The following PRPF18 variants were observed in gnomAD, a reference collection of about 807,000 sequenced individuals.
PRPF18 encodes pre-mRNA processing factor 18.
In PRPF18, 38 loss-of-function variants were observed where a neutral mutation model predicts 46.5. The ratio of observed to expected loss-of-function variants is 0.82; its 90% CI spans 0.63 to 1.07. PRPF18 has a LOEUF of 1.07. PRPF18 is among the 50% of genes least tolerant of loss of function. PRPF18 has a pLI of 0.00. For synonymous variants in PRPF18, 152 were observed against 146.7 expected, an observed-to-expected ratio of 1.04 and a Z score of -0.26; for missense variants, 263 against 410.0, an observed-to-expected ratio of 0.64 and a Z score of 3.10.
the PRPF18 span, chr10:13,641,980 T>C: frequency 6.6e-6 from 1 of 152,218 alleles, no homozygotes; most frequent in African/African-American, 2.4e-5. Flanking sequence ...TATAATCCTA[T>C]GGGCTCTTGA....
chr10:13,628,658 C>T (rs2080546843), intron 9 of PRPF18, among the ~76,000 whole-genome samples: 1 of 152,002 alleles, frequency 6.6e-6, no homozygotes, highest in Non-Finnish European at 1.5e-5. Flanking sequence ...TTTGTGTTGT[C>T]TGCTTACTAT....
intron 3 of PRPF18, among the ~76,000 whole-genome samples, chr10:13,601,838 T>C (rs1203881935): frequency 6.6e-6 from 1 of 152,158 alleles, no homozygotes; most frequent in Non-Finnish European, 1.5e-5. Flanking sequence ...CTCAACAAAT[T>C]TAGGTATTGT....
intron 3 of PRPF18, among the ~76,000 whole-genome samples, chr10:13,601,971 G>A (rs557899224): frequency 7.2e-5 from 11 of 152,176 alleles, no homozygotes; most frequent in East Asian, 1.9e-4. Flanking sequence ...CTTGATATTC[G>A]TATGAGTTTA....
At chr10:13,608,525 C>T (rs1012839752) in intron 4 of PRPF18, among the ~76,000 whole-genome samples, 1 of 152,212 alleles carries the variant, frequency 6.6e-6, no homozygotes, top group Non-Finnish European at 1.5e-5. Context: ...GATCATTTTT[C>T]CTTTGCTTGC....
chr10:13,606,733 CAAAAAAAAAAA>C (rs34162273), intron 4 of PRPF18, among the ~76,000 whole-genome samples: 4 of 73,010 alleles, frequency 5.5e-5, no homozygotes, highest in Non-Finnish European at 2.5e-5. Context: ...GACTCCTTCT[CAAAAAAAAAAA>C]AAAAAAAAAA....
intron 8 of PRPF18, among the ~76,000 whole-genome samples, chr10:13,616,059 AT>A (rs2080336109): frequency 1.3e-5 from 2 of 152,132 alleles, no homozygotes; most frequent in Admixed American, 1.3e-4. Flanking sequence ...CAAAACTAGA[AT>A]TTTCATCAGT....
the PRPF18 span, chr10:13,654,813 T>A: frequency 1.3e-5 from 6 of 457,730 alleles, no homozygotes; most frequent in Non-Finnish European, 2.3e-5. Context: ...CACCAGGAGG[T>A]AGGCATAGGG....
chr10:13,613,249 G>T (rs11258472), intron 6 of PRPF18, among the ~76,000 whole-genome samples: 38 of 152,000 alleles, frequency 2.5e-4, no homozygotes, highest in African/African-American at 8.0e-4. Flanking sequence ...TTATCTAGGG[G>T]TGGGGGTGGA....
chr10:13,654,952 T>C, the PRPF18 span: 807 of 171,416 alleles, frequency 4.7e-3, 4 homozygotes, highest in African/African-American at 0.018. Context: ...GGCCCTGTTA[T>C]GAAATTGTTT....
At chr10:13,595,148 C>T (rs1340898088) in intron 1 of PRPF18, among the ~76,000 whole-genome samples, 2 of 152,144 alleles carry the variant, frequency 1.3e-5, no homozygotes, top group African/African-American at 2.4e-5. Flanking sequence ...ATCCTCCCCC[C>T]ATGTTGCTTT....
At chr10:13,601,944 C>A (rs948368494) in intron 3 of PRPF18, among the ~76,000 whole-genome samples, 1 of 152,172 alleles carries the variant, frequency 6.6e-6, no homozygotes, top group African/African-American at 2.4e-5. Flanking sequence ...CTAAGGTGAA[C>A]TTCCTTATAC....
Position 13,587,090 on chromosome 10 carries a change from G to C in PRPF18, c.4G>C (p.Asp2His). The C allele has an allele frequency of 6.2e-7, 1 of 1,614,148 alleles. No homozygotes were observed. The highest frequency in any genetic ancestry group is 1.1e-5 in the South Asian group (1 of 91,080). Residue 2 changes from aspartate (D) to histidine (H), a missense_variant, in exon 1 of 10, where the codon GAC (aspartate) becomes CAC (histidine). This residue lies in a region of PRPF18 where 71 missense variants were observed against 69.2 expected (regional missense o/e 1.03). Coordinates refer to ENST00000378572, the MANE Select transcript of PRPF18 (RefSeq NM_003675.4). M[D>H]ILKSEILRKR... ...GAGCTTAAATTCTGGCGGCGAGATGGACATTCTGAAATCAGAGATCCTTCG... is the reference window on the plus strand; with the variant it reads ...GAGCTTAAATTCTGGCGGCGAGATGCACATTCTGAAATCAGAGATCCTTCG...
At chr10:13,588,488 G>C (rs571496221) in intron 1 of PRPF18, among the ~76,000 whole-genome samples, 2 of 150,946 alleles carry the variant, frequency 1.3e-5, no homozygotes, top group African/African-American at 4.9e-5. Flanking sequence ...AAGGCGGGAG[G>C]ATCGCTTGAG....
At chr10:13,618,399 G>A (rs894540332) in intron 9 of PRPF18, among the ~76,000 whole-genome samples, 1 of 151,866 alleles carries the variant, frequency 6.6e-6, no homozygotes, top group Non-Finnish European at 1.5e-5. Context: ...TGGCTGTGGC[G>A]GGAAGATTGC....
chr10:13,641,377 G>C, the PRPF18 span: 1 of 152,268 alleles, frequency 6.6e-6, no homozygotes, highest in African/African-American at 2.4e-5. Context: ...GGACATGTTA[G>C]CACATTAGAC....
At chr10:13,600,398 A>T in intron 3 of PRPF18, 50 bp downstream of exon 3, 1 of 1,354,836 alleles carries the variant, frequency 7.4e-7, no homozygotes, top group Admixed American at 2.1e-5. Context: ...CACGGTGTTT[A>T]CATTTATCTC....
the PRPF18 span, chr10:13,640,841 T>A: frequency 6.6e-6 from 1 of 152,554 alleles, no homozygotes; most frequent in African/African-American, 2.4e-5. Context: ...TGGAGGAAAT[T>A]CACAATCTAA....
Position 13,610,201 on chromosome 10 carries a change from A to C in PRPF18, c.510+16A>C. ...AGAGTTAGAGGTAATCTCTACACCA[A>C]GCCCAGCACATCCCTGGCACCCTTC... On this transcript the variant is annotated intron_variant, in intron 5 of 9. Coordinates refer to ENST00000378572, the MANE Select transcript of PRPF18 (RefSeq NM_003675.4). 1 of 1,608,568 alleles carries C rather than the reference A, an allele frequency of 6.2e-7. No individual in the cohort carries two copies. Among genetic ancestry groups the C allele is most frequent in the South Asian group, 1.1e-5 (1 of 90,618 alleles).
intron 9 of PRPF18, among the ~76,000 whole-genome samples, chr10:13,617,385 T>G (rs1222437732): frequency 2.0e-5 from 3 of 152,374 alleles, no homozygotes; most frequent in Admixed American, 6.5e-5. Flanking sequence ...CGTGTCATGC[T>G]TTATGCCTTA....
Sources: gnomAD v4.1 joint callset for allele counts (sites outside exome capture counted in the v4.1 genomes callset) on GRCh38, gnomAD v4.1.1 for gene constraint, gnomAD v4.1.1 regional missense constraint, MANE v1.5 for transcripts, NCBI Gene and HGNC (gene_info 2026-07-23, HGNC 2026-07-21) for gene names.